DHDH: variants seen among roughly 807,000 people sequenced by gnomAD.
DHDH encodes dihydrodiol dehydrogenase.
A neutral mutation model predicts 33.2 loss-of-function variants in DHDH; 29 were observed. The ratio of observed to expected loss-of-function variants is 0.87; its 90% CI spans 0.65 to 1.19. The LOEUF is 1.19. DHDH is among the 50% of genes most tolerant of loss of function. The pLI is 0.00. For missense variants in DHDH, 431 were observed against 455.0 expected (o/e 0.95, Z 0.48); for synonymous variants, 201 against 187.9 (o/e 1.07, Z -0.57).
At chr19:48,936,281 A>C (rs2037774486) in intron 3 of DHDH, 86 bp downstream of exon 3, 4 of 1,435,812 alleles carry the variant, frequency 2.8e-6, no homozygotes, top group African/African-American at 1.4e-5. Flanking sequence ...GGGTCAGTGC[A>C]TTTGCCAGGA....
Position 48,939,679 on chromosome 19 carries a change from C to T in DHDH, c.597C>T (p.Val199=), listed in dbSNP as rs775928649. 3.1e-6 allele frequency: 5 copies of T among 1,601,760 alleles called. No homozygotes were observed. The highest frequency in any genetic ancestry group is 4.5e-5 in the East Asian group (2 of 44,564). Residue 199 remains valine, a synonymous_variant, in exon 4 of 7, where the codon GTC becomes GTT. Coordinates refer to ENST00000221403, the MANE Select transcript of DHDH (RefSeq NM_014475.4). The stretch of plus-strand genomic sequence containing the variant: ...GGCAGAAGCCAGAGAAGATTTCTGT[C>T]GTGGGAAGGCGTCATGAAACAGGTA... ...FGGQKPEKIS[V]VGRRHETGVD...
At chr19:48,941,321 G>C (rs1300793205) in intron 4 of DHDH, among the ~76,000 whole-genome samples, 1 of 152,158 alleles carries the variant, frequency 6.6e-6, no homozygotes, top group Admixed American at 6.6e-5. Context: ...ATTTGCTACT[G>C]GCCCATTGGC....
intron 3 of DHDH, 32 bp downstream of exon 3, chr19:48,936,227 C>A: frequency 6.5e-7 from 1 of 1,536,280 alleles, no homozygotes; most frequent in Non-Finnish European, 8.7e-7. Context: ...CAATATCCAG[C>A]GTAAAAGTGC....
Position 48,939,702 on chromosome 19 carries a change from G to A in DHDH, c.619+1G>A, listed in dbSNP as rs766332351. 6 of 1,595,760 alleles carry A rather than the reference G, an allele frequency of 3.8e-6. No homozygotes were observed. In the African/African-American group the frequency reaches 6.7e-5, roughly 18 times the overall value. ...GTCGTGGGAAGGCGTCATGAAACAG[G>A]TACCATCTATCCTGGAATATTTCAT... On this transcript the variant is annotated splice_donor_variant, in intron 4 of 6. Transcript: ENST00000221403. LOFTEE classifies it high-confidence loss of function.
chr19:48,940,683 GTC>G (rs1336433929), intron 4 of DHDH, among the ~76,000 whole-genome samples: 1 of 152,122 alleles, frequency 6.6e-6, no homozygotes, highest in Admixed American at 6.6e-5. Context: ...GTAAAACCCT[GTC>G]TCTACGAAAA....
chr19:48,933,628 G>A, upstream of DHDH: 1 of 1,196,286 alleles, frequency 8.4e-7, no homozygotes, highest in Non-Finnish European at 1.2e-6. Flanking sequence ...AATACGGGCG[G>A]AGGATGGGGA....
At chr19:48,937,605 G>A (rs1229588003) in intron 3 of DHDH, among the ~76,000 whole-genome samples, 1 of 151,780 alleles carries the variant, frequency 6.6e-6, no homozygotes, top group Non-Finnish European at 1.5e-5. Flanking sequence ...GACGTCAGGA[G>A]ATCGAGACCA....
At position 48,939,343 on chromosome 19, in the gene DHDH, T is replaced by C. The variant is rs2037823461; in HGVS notation, c.367-106T>C. 5 of 1,339,566 alleles carry C rather than the reference T, an allele frequency of 3.7e-6. No individual in the cohort carries two copies. The South Asian group carries it at 4.3e-5, about 11-fold the overall frequency. 83.0% of individuals were successfully genotyped at this position (1,339,566 alleles called of 1,614,324 possible). Reference sequence around the variant, plus strand: ...AGCAAGAGGGATACAACCTGGGGACTGATGGGCTGTGTTTGGAGACTGGGT... The same window carrying C: ...AGCAAGAGGGATACAACCTGGGGACCGATGGGCTGTGTTTGGAGACTGGGT... On this transcript the variant is annotated intron_variant, in intron 3 of 6. Transcript: ENST00000221403.
intron 3 of DHDH, among the ~76,000 whole-genome samples, chr19:48,937,355 G>C (rs970638849): frequency 9.9e-5 from 15 of 152,096 alleles, no homozygotes; most frequent in Admixed American, 2.0e-4. Flanking sequence ...CGTGAGCCCT[G>C]ACACTCTTGC....
At chr19:48,933,101 G>A (rs1055139307), upstream of DHDH, among the ~76,000 whole-genome samples, 1 of 152,126 alleles carries the variant, frequency 6.6e-6, no homozygotes, top group Non-Finnish European at 1.5e-5. Flanking sequence ...TCCTGACTGT[G>A]AGACCTCCAA....
In DHDH at chr19:48,936,093, G is replaced by A. The variant is rs746291685; in HGVS notation, c.264G>A (p.Ala88=). The change falls in exon 3 of 7, where the codon GCG becomes GCA. Residue 88 remains alanine (A), a synonymous_variant. Transcript: ENST00000221403. The part of the protein sequence containing the change: ...QHKAAVMLCL[A]AGKAVLCEKP... The stretch of plus-strand genomic sequence containing the variant: ...AGGCGGCGGTGATGCTGTGCTTGGC[G>A]GCGGGCAAGGCCGTTCTGTGCGAGA... The A allele has an allele frequency of 1.1e-5, 17 of 1,611,082 alleles. 1 individual carries two copies. In the African/African-American group the frequency reaches 1.1e-4, roughly 10 times the overall value.
At chr19:48,942,373 TG>T (rs2122277348) in intron 4 of DHDH, 66 bp from the exon 5 acceptor site, 1 of 1,430,916 alleles carries the variant, frequency 7.0e-7, no homozygotes, top group South Asian at 1.6e-5. Flanking sequence ...AGGCAGGATT[TG>T]GGGCCTGTGC....
At position 48,944,569 on chromosome 19, in the gene DHDH, C is replaced by T. The variant is rs2037914666; in HGVS notation, c.895+62C>T. ...TAGGGGGATGTTGGGCCCCTCCCCA[C>T]CTGCTCTGTCACCCTGCTGTTTAGA... is the stretch of plus-strand genomic sequence containing the variant. On this transcript the variant is annotated intron_variant, in intron 6 of 6. Transcript: ENST00000221403. The T allele has an allele frequency of 3.2e-6, 5 of 1,540,362 alleles. No homozygotes were observed. In the African/African-American group the frequency reaches 4.1e-5, roughly 13 times the overall value.
chr19:48,938,257 C>T (rs771675804), intron 3 of DHDH, among the ~76,000 whole-genome samples: 14 of 152,064 alleles, frequency 9.2e-5, no homozygotes, highest in East Asian at 3.9e-4. Flanking sequence ...CCACCACGCC[C>T]GGCTAATTTT....
chr19:48,942,090 C>T (rs1292280494), intron 4 of DHDH, among the ~76,000 whole-genome samples: 1 of 151,826 alleles, frequency 6.6e-6, no homozygotes, highest in Non-Finnish European at 1.5e-5. Flanking sequence ...TCACTTCAAG[C>T]TCCGCCTCCC....
chr19:48,940,447 G>T (rs2037843382), intron 4 of DHDH, among the ~76,000 whole-genome samples: 1 of 150,962 alleles, frequency 6.6e-6, no homozygotes, highest in African/African-American at 2.5e-5. Flanking sequence ...GAGCCACCCA[G>T]ATGTGATGCC....
chr19:48,936,014 G>A lies in DHDH; in HGVS notation c.203-18G>A, dbSNP rs1243151247. 1.9e-6 allele frequency: 3 copies of A among 1,583,162 alleles called. No homozygotes were observed. Among genetic ancestry groups the A allele is most frequent in the Non-Finnish European group, 2.6e-6 (3 of 1,166,694 alleles). On this transcript the variant is annotated intron_variant, in intron 2 of 6. Transcript: ENST00000221403. ...GGGTGGGCGGGGCTGCTGACCTCTT[G>A]ACCTACTCCCACCCTAGAGGTGGCC... is the stretch of plus-strand genomic sequence containing the variant.
intron 3 of DHDH, 47 bp downstream of exon 3, chr19:48,936,242 C>T (rs1217865660): frequency 9.9e-6 from 15 of 1,520,940 alleles, no homozygotes; most frequent in Non-Finnish European, 1.2e-5. Context: ...AAGTGCTTGC[C>T]ATTAAATATG....
At chr19:48,934,953 T>G (rs369462770) in intron 1 of DHDH, 47 bp from the exon 2 acceptor site, 1 of 1,451,200 alleles carries the variant, frequency 6.9e-7, no homozygotes, top group Non-Finnish European at 9.2e-7. Context: ...CCACCCAGTT[T>G]CCACGCCTGC....
Sources: gnomAD v4.1 joint callset for allele counts (sites outside exome capture counted in the v4.1 genomes callset) on GRCh38, gnomAD v4.1.1 for gene constraint, MANE v1.5 for transcripts, NCBI Gene and HGNC (gene_info 2026-07-23, HGNC 2026-07-21) for gene names.